Variants in PTGIS observed in about 807,000 individuals in gnomAD.
PTGIS encodes prostacyclin synthase.
PTGIS carries 45 observed loss-of-function variants against 50.3 expected under a neutral mutation model. The observed-to-expected ratio is 0.90, with a 90% CI of 0.70 to 1.15. The LOEUF (loss-of-function observed/expected upper bound fraction) is 1.15, where lower values mean the gene tolerates loss of function less well. Among genes scored for constraint, PTGIS ranks in the 50% most tolerant of loss-of-function variants. The probability of loss-of-function intolerance (pLI) is 0.00; values close to 1 mark genes in which losing one functional copy is unlikely to be tolerated. For missense variants in PTGIS, 668 were observed against 661.3 expected, an observed-to-expected ratio of 1.01 and a Z score of -0.11; for synonymous variants, 260 against 267.7, an observed-to-expected ratio of 0.97 and a Z score of 0.28.
intron 5 of PTGIS, among the ~76,000 whole-genome samples, 156 bp downstream of exon 5, chr20:49,539,414 G>C (rs373347095): frequency 6.6e-6 from 1 of 152,202 alleles, no homozygotes; most frequent in East Asian, 1.9e-4. Flanking sequence ...CCACCATTGC[G>C]CTCTTGCATA....
rs1037148827 is a variant in PTGIS, at chr20:49,547,970, T to C, written c.248A>G (p.Tyr83Cys). The C allele has an allele frequency of 6.2e-7, 1 of 1,613,898 alleles. No individual in the cohort carries two copies. Among genetic ancestry groups the C allele is most frequent in the African/African-American group, 1.3e-5 (1 of 74,864 alleles). Reference protein sequence around the residue: ...YVTVLLDPHSYDAVVWEPRTR... With the variant: ...YVTVLLDPHSCDAVVWEPRTR... ...GCGAGGCTCCCACACCACCGCGTCG[T>C]AGGAGTGTGGGTCCAGGAGAACGGT... Residue 83 changes from tyrosine (Y) to cysteine (C), a missense_variant, in exon 3 of 10, where the codon TAC (tyrosine) becomes TGC (cysteine). By Grantham distance (194) the Tyr-to-Cys change is radical. Coordinates refer to ENST00000244043, the MANE Select transcript of PTGIS (RefSeq NM_000961.4).
intron 1 of PTGIS, among the ~76,000 whole-genome samples, chr20:49,567,279 T>C (rs1460440191): frequency 1.3e-5 from 2 of 152,254 alleles, no homozygotes; most frequent in Non-Finnish European, 2.9e-5. Flanking sequence ...CTTTACTTTT[T>C]CTCCTAAATC....
intron 5 of PTGIS, among the ~76,000 whole-genome samples, chr20:49,532,264 C>T (rs1040905683): frequency 2.6e-5 from 4 of 151,992 alleles, no homozygotes; most frequent in Non-Finnish European, 4.4e-5. Context: ...ATGTGATTCC[C>T]ATTATTTGTC....
chr20:49,513,412 C>G, intron 7 of PTGIS, 151 bp from the exon 8 acceptor site: 1 of 868,340 alleles, frequency 1.2e-6, no homozygotes, highest in Admixed American at 2.0e-5. Context: ...TGAAAAAGGA[C>G]ACACGATGAC....
intron 9 of PTGIS, among the ~76,000 whole-genome samples, chr20:49,509,345 A>G (rs1226240059): frequency 6.6e-6 from 1 of 152,212 alleles, no homozygotes; most frequent in African/African-American, 2.4e-5. Flanking sequence ...TTGTCATGAC[A>G]ATTCAGTGAG....
At chr20:49,515,384 C>T (rs912966120) in intron 6 of PTGIS, among the ~76,000 whole-genome samples, 3 of 152,192 alleles carry the variant, frequency 2.0e-5, no homozygotes, top group African/African-American at 4.8e-5. Flanking sequence ...TTTTCATACA[C>T]ATTTTAGCCT....
chr20:49,538,635 T>C (rs923271716), intron 5 of PTGIS, among the ~76,000 whole-genome samples: 2 of 152,032 alleles, frequency 1.3e-5, no homozygotes, highest in African/African-American at 4.8e-5. Context: ...GGAAAGAGCA[T>C]AAAATGTTTA....
chr20:49,532,957 A>G (rs1981972110), intron 5 of PTGIS, among the ~76,000 whole-genome samples: 1 of 152,206 alleles, frequency 6.6e-6, no homozygotes, highest in Non-Finnish European at 1.5e-5. Context: ...GGTATTTCTT[A>G]TTGGTGTGAT....
At chr20:49,561,214 C>T (rs116414057) in intron 1 of PTGIS, among the ~76,000 whole-genome samples, 60 of 152,142 alleles carry the variant, frequency 3.9e-4, no homozygotes, top group African/African-American at 1.4e-3. Flanking sequence ...CTGGCTGCCC[C>T]CAGTATAACC....
chr20:49,534,742 T>A (rs1878946917), intron 5 of PTGIS, among the ~76,000 whole-genome samples: 2 of 152,180 alleles, frequency 1.3e-5, no homozygotes, highest in South Asian at 4.1e-4. Context: ...CCAGCATGGA[T>A]GGCAAGATTT....
chr20:49,566,521 C>T (rs1982904065), intron 1 of PTGIS, among the ~76,000 whole-genome samples: 1 of 152,176 alleles, frequency 6.6e-6, no homozygotes, highest in Admixed American at 6.5e-5. Context: ...TGATTGACTA[C>T]ACAGTTGTAA....
intron 5 of PTGIS, among the ~76,000 whole-genome samples, chr20:49,536,401 C>T (rs1342294905): frequency 2.0e-5 from 3 of 151,882 alleles, no homozygotes; most frequent in Non-Finnish European, 4.4e-5. Flanking sequence ...AATGCTTAAC[C>T]TCGTATCTGG....
intron 4 of PTGIS, among the ~76,000 whole-genome samples, chr20:49,541,513 C>T (rs914306499): frequency 1.3e-5 from 2 of 152,126 alleles, no homozygotes; most frequent in African/African-American, 4.8e-5. Flanking sequence ...GGTTATATCA[C>T]CTGAGGTCAG....
At position 49,540,020 on chromosome 20, in the gene PTGIS, C is replaced by T. The variant is rs775633753; in HGVS notation, c.522-299G>A. On this transcript the variant is annotated intron_variant, in intron 4 of 9. Transcript: ENST00000244043. This position sits in a 1 kb window ranked among gnomAD's most constrained non-coding sequence, Gnocchi z 4.8. ...AAAGCTGGGTAGCAGGATGGGAGGG[C>T]GGGGGCTGTGGTGTCAGGTGCCAGG... 6.6e-6 allele frequency among the ~76,000 whole-genome samples: 1 copy of T among 152,002 alleles called. No homozygotes were observed. The highest frequency in any genetic ancestry group is 1.9e-4 in the East Asian group (1 of 5,184).
intron 5 of PTGIS, among the ~76,000 whole-genome samples, chr20:49,528,684 T>C (rs555516423): frequency 5.3e-5 from 8 of 152,190 alleles, no homozygotes; most frequent in Non-Finnish European, 7.3e-5. Flanking sequence ...AGTTTACATT[T>C]GTATATCCCT....
intron 9 of PTGIS, among the ~76,000 whole-genome samples, chr20:49,510,297 C>T (rs111714639): frequency 3.9e-5 from 6 of 152,176 alleles, no homozygotes; most frequent in African/African-American, 7.2e-5. Flanking sequence ...GTTTATGTAA[C>T]GTGCCCACTC....
intron 1 of PTGIS, among the ~76,000 whole-genome samples, chr20:49,557,716 C>G (rs1213923399): frequency 1.3e-5 from 2 of 152,182 alleles, no homozygotes; most frequent in East Asian, 3.8e-4. Flanking sequence ...CCTACTATTC[C>G]TAAGCAGATA....
Position 49,547,964 on chromosome 20 carries a change from G to A in PTGIS, c.254C>T (p.Ala85Val), listed in dbSNP as rs777329256. The change falls in exon 3 of 10, where the codon GCG becomes GTG. Residue 85 changes from alanine (A) to valine (V), a missense_variant. Transcript: ENST00000244043. ...TVLLDPHSYD[A>V]VVWEPRTRLD... ...CCTGGTGCGAGGCTCCCACACCACC[G>A]CGTCGTAGGAGTGTGGGTCCAGGAG... 5.3e-5 allele frequency: 86 copies of A among 1,613,978 alleles called. No homozygotes were observed. The highest frequency in any genetic ancestry group is 6.6e-5 in the Non-Finnish European group (78 of 1,180,004).
At chr20:49,512,963 G>T in intron 8 of PTGIS, 117 bp downstream of exon 8, 1 of 1,267,944 alleles carries the variant, frequency 7.9e-7, no homozygotes, top group Non-Finnish European at 1.1e-6. Flanking sequence ...AGCAATCTGG[G>T]CAATGTCACA....
Sources: allele counts gnomAD v4.1 joint callset (sites outside exome capture counted in the v4.1 genomes callset), GRCh38; gene constraint gnomAD v4.1.1; non-coding constraint Gnocchi (gnomAD v3.1); transcripts MANE v1.5; gene names NCBI Gene and HGNC (gene_info 2026-07-23, HGNC 2026-07-21).